COL18A1: variants seen among roughly 807,000 people sequenced by gnomAD.
COL18A1 encodes collagen type XVIII alpha 1 chain, also known as collagen alpha-1(XVIII) chain.
A neutral mutation model predicts 168.0 loss-of-function variants in COL18A1; 133 were observed. The ratio of observed to expected loss-of-function variants is 0.79; its 90% confidence interval spans 0.69 to 0.91. The LOEUF (loss-of-function observed/expected upper bound fraction) is 0.91. COL18A1 is among the 40% of genes least tolerant of loss of function. The pLI is 0.00. For missense variants in COL18A1, 2,126 were observed against 1,925.4 expected (o/e 1.10, Z -1.95); for synonymous variants, 949 against 809.0 (o/e 1.17, Z -2.94).
At chr21:45,502,228 G>A (rs1017157234) in intron 32 of COL18A1, among the ~76,000 whole-genome samples, 5 of 152,312 alleles carry the variant, frequency 3.3e-5, no homozygotes, top group Middle Eastern at 6.8e-3. Flanking sequence ...GTGGAGCCAC[G>A]TGCTCCAAAG....
At chr21:45,407,626 G>A (rs562859596) in intron 2 of COL18A1, 1 of 152,444 alleles carries the variant, frequency 6.6e-6, no homozygotes, top group African/African-American at 2.4e-5. Flanking sequence ...TGGAGCTGAG[G>A]AAGAGGACTG....
At chr21:45,418,394 C>T (rs1001092709) in intron 2 of COL18A1, among the ~76,000 whole-genome samples, 6 of 152,110 alleles carry the variant, frequency 3.9e-5, no homozygotes, top group Admixed American at 6.5e-5. Context: ...ATTCTTCCCA[C>T]GTCAAGGCAG....
intron 40 of COL18A1, 116 bp downstream of exon 40, chr21:45,510,377 C>T (rs2037506955): frequency 2.5e-6 from 3 of 1,221,756 alleles, no homozygotes; most frequent in Non-Finnish European, 3.5e-6. Flanking sequence ...GTTACAGACA[C>T]TGGCGCCTAG....
At position 45,443,224 on chromosome 21, in the gene COL18A1, G is replaced by T. The variant is rs1014181419; in HGVS notation, c.107-25018G>T. ...CATCCAGCACAGGTCCTGGTGCCTGGGAGGTGCTTACCCCATGGCCCCAAC... is the reference window on the plus strand; with the variant it reads ...CATCCAGCACAGGTCCTGGTGCCTGTGAGGTGCTTACCCCATGGCCCCAAC... On this transcript the variant is annotated intron_variant, in intron 2 of 41. Transcript: ENST00000651438. The surrounding 1 kb of genome is among the most constrained non-coding windows in gnomAD (Gnocchi z 5.2). Among the ~76,000 whole-genome samples, 6 of 151,998 alleles carry T rather than the reference G, an allele frequency of 3.9e-5. No individual in the cohort carries two copies. The highest frequency in any genetic ancestry group is 1.5e-4 in the African/African-American group (6 of 41,350).
At chr21:45,500,197 AGT>A (rs1258202099) in intron 32 of COL18A1, among the ~76,000 whole-genome samples, 192 of 27,606 alleles carry the variant, frequency 7.0e-3, no homozygotes, top group Middle Eastern at 0.077. Context: ...GTGTGTGTGG[AGT>A]GTGTGTGGCT....
At chr21:45,505,589 G>T (rs1602618421) in intron 36 of COL18A1, among the ~76,000 whole-genome samples, 158 bp downstream of exon 36, 1 of 152,180 alleles carries the variant, frequency 6.6e-6, no homozygotes, top group Admixed American at 6.5e-5. Context: ...GGCCATGGGG[G>T]AATCAGGTGG....
At chr21:45,484,323 A>ACACATG (rs140855479) in intron 15 of COL18A1, among the ~76,000 whole-genome samples, 13,180 of 142,188 alleles carry the variant, frequency 0.093, 1,098 homozygotes, top group African/African-American at 0.2. Context: ...GCATACATGC[A>ACACATG]CACACATGCA....
chr21:45,455,458 C>G, intron 2 of COL18A1: 1 of 1,592,122 alleles, frequency 6.3e-7, no homozygotes, highest in Non-Finnish European at 8.5e-7. Flanking sequence ...GGCAGGAGGG[C>G]GTGAGCCTGG....
At position 45,477,979 on chromosome 21, in the gene COL18A1, TC is replaced by T. The variant is rs200362222; in HGVS notation, c.1221+20del. ...GACGGCGAGCCGGTGAGTCCTCACG[TC>T]CCCCCGAGTCCGGCCCGGTCTGGAG... On this transcript the variant is annotated intron_variant, in intron 8 of 41. Transcript: ENST00000651438. 17 of 1,335,538 alleles carry T rather than the reference TC, an allele frequency of 1.3e-5. No homozygotes were observed. Among genetic ancestry groups the T allele is most frequent in the Non-Finnish European group, 1.6e-5 (15 of 954,764 alleles). 82.7% of individuals were successfully genotyped at this position (1,335,538 alleles called of 1,614,324 possible).
In COL18A1 at chr21:45,463,457, G is replaced by A. The variant is rs2145876160; in HGVS notation, c.107-4785G>A. ...TTCCTGTGGACATTGCAAGCTTTCAGTAGACTCCAGAGTTCCAAAAGAGTT... is the reference window on the plus strand; with the variant it reads ...TTCCTGTGGACATTGCAAGCTTTCAATAGACTCCAGAGTTCCAAAAGAGTT... On this transcript the variant is annotated intron_variant, in intron 2 of 41. Transcript: ENST00000651438. This position sits in a 1 kb window ranked among gnomAD's most constrained non-coding sequence, Gnocchi z 4.0. Among the ~76,000 whole-genome samples, 1 of 152,246 alleles carries A rather than the reference G, an allele frequency of 6.6e-6. No individual in the cohort carries two copies. The highest frequency in any genetic ancestry group is 1.9e-4 in the East Asian group (1 of 5,204).
intron 2 of COL18A1, chr21:45,455,883 C>T (rs757851697): frequency 1.2e-6 from 2 of 1,613,114 alleles, no homozygotes; most frequent in Admixed American, 1.7e-5. Context: ...CTGAACGTGG[C>T]CAAAGGCATC....
chr21:45,427,133 C>G (rs1309302923), intron 2 of COL18A1, among the ~76,000 whole-genome samples: 1 of 152,098 alleles, frequency 6.6e-6, no homozygotes, highest in African/African-American at 2.4e-5. Flanking sequence ...AGGGCCTGGT[C>G]ACTGGAATAT....
In COL18A1 at chr21:45,484,717, A is replaced by G. The variant is rs570654144; in HGVS notation, c.1701+1896A>G. 2.4e-3 allele frequency among the ~76,000 whole-genome samples: 361 copies of G among 152,316 alleles called. 1 individual carries two copies. Among genetic ancestry groups the G allele is most frequent in the African/African-American group, 8.4e-3 (350 of 41,556 alleles). On this transcript the variant is annotated intron_variant, in intron 15 of 41. Coordinates refer to ENST00000651438, the MANE Select transcript of COL18A1 (RefSeq NM_001379500.1). ...ACGTTTTTCTAGCACACATGCACAC[A>G]CATCTCTCTAGCATATGTACACACA...
At chr21:45,479,547 CACAT>C (rs1225132956) in intron 9 of COL18A1, among the ~76,000 whole-genome samples, 8 of 149,372 alleles carry the variant, frequency 5.4e-5, no homozygotes, top group East Asian at 4.1e-4. Context: ...TCACACATCA[CACAT>C]ACATATCACA....
chr21:45,483,109 C>T (rs2035956883), intron 15 of COL18A1, among the ~76,000 whole-genome samples: 1 of 152,278 alleles, frequency 6.6e-6, no homozygotes, highest in Non-Finnish European at 1.5e-5. Flanking sequence ...CTGAGCTCAT[C>T]TGGAAACAAG....
At chr21:45,505,750 C>T (rs2037163035) in intron 36 of COL18A1, 88 bp from the exon 37 acceptor site, 2 of 1,107,250 alleles carry the variant, frequency 1.8e-6, no homozygotes, top group South Asian at 2.7e-5. Flanking sequence ...GGCCCCTGCC[C>T]AGCACCCTGA....
intron 2 of COL18A1, among the ~76,000 whole-genome samples, chr21:45,426,668 G>A (rs1602357431): frequency 6.6e-6 from 1 of 152,248 alleles, no homozygotes; most frequent in East Asian, 1.9e-4. Context: ...TGCATGCTCA[G>A]CCCTTGCGTG....
In COL18A1 at chr21:45,484,278, CACATCTCCAGCAT is replaced by C. The variant is rs1602512539; in HGVS notation, c.1701+1459_1701+1471del. Among the ~76,000 whole-genome samples, 7 of 147,626 alleles carry C rather than the reference CACATCTCCAGCAT, an allele frequency of 4.7e-5. No individual in the cohort carries two copies. The East Asian group carries it at 1.0e-3, about 22-fold the overall frequency. On this transcript the variant is annotated intron_variant, in intron 15 of 41. Transcript: ENST00000651438. ...ATGTGCACACACACACATAGGCACA[CACATCTCCAGCAT>C]ATGTGCACACACACACCTCCAGCAT... is the stretch of plus-strand genomic sequence containing the variant.
At chr21:45,418,275 G>A (rs1031134924) in intron 2 of COL18A1, among the ~76,000 whole-genome samples, 1 of 152,220 alleles carries the variant, frequency 6.6e-6, no homozygotes, top group African/African-American at 2.4e-5. Flanking sequence ...GCCCCCGGCT[G>A]CCGAAGTGGT....
Sources: gnomAD v4.1 joint callset for allele counts (sites outside exome capture counted in the v4.1 genomes callset) on GRCh38, gnomAD v4.1.1 for gene constraint, Gnocchi (gnomAD v3.1) non-coding constraint, MANE v1.5 for transcripts, NCBI Gene and HGNC (gene_info 2026-07-23, HGNC 2026-07-21) for gene names.